Variants in BANP observed in about 807,000 individuals in gnomAD.
The protein encoded by BANP is protein BANP.
Under a neutral mutation model 68.1 loss-of-function variants are expected in BANP, and 11 were observed. The observed-to-expected ratio is 0.16, with a 90% CI of 0.10 to 0.27. BANP has a LOEUF of 0.27. BANP is among the 10% of genes least tolerant of loss of function. The probability of loss-of-function intolerance (pLI) is 1.00; values close to 1 mark genes in which losing one functional copy is unlikely to be tolerated. For synonymous variants in BANP, 329 were observed against 303.2 expected, an observed-to-expected ratio of 1.09 and a Z score of -0.88; for missense variants, 504 against 722.7, an observed-to-expected ratio of 0.70 and a Z score of 3.47.
Position 88,077,186 on chromosome 16 carries a change from T to C in BANP, c.*525T>C, listed in dbSNP as rs1345758554. On this transcript the variant is annotated 3_prime_UTR_variant, in exon 14 of 14. Transcript: ENST00000682872. ...GCCCTTTGCTGTGTGCTCTGTCCAG[T>C]GTCATGAGGCAGGTGTTTGCAAAGC... is the stretch of plus-strand genomic sequence containing the variant. 6.5e-6 allele frequency: 1 copy of C among 153,474 alleles called. No individual in the cohort carries two copies. Among genetic ancestry groups the C allele is most frequent in the Non-Finnish European group, 1.5e-5 (1 of 68,854 alleles). The allele number at this position is 153,474 out of a possible 1,614,324, so 9.5% of individuals were successfully genotyped here. A position where few individuals can be genotyped will look rare whatever the true frequency, so the allele number is the denominator to read the frequency against.
intron 1 of BANP, among the ~76,000 whole-genome samples, chr16:87,972,774 C>T (rs138232409): frequency 1.2e-4 from 18 of 152,292 alleles, no homozygotes; most frequent in Admixed American, 2.6e-4. Context: ...CTCTAGTTTC[C>T]GTGCCCTGCA....
At chr16:87,986,744 A>T (rs79229166) in intron 4 of BANP, among the ~76,000 whole-genome samples, 20 of 152,232 alleles carry the variant, frequency 1.3e-4, no homozygotes, top group Non-Finnish European at 2.8e-4. Flanking sequence ...TCATTCACAG[A>T]CCTGCGGTGG....
intron 11 of BANP, among the ~76,000 whole-genome samples, chr16:88,052,635 TATC>T (rs1009292678): frequency 8.0e-5 from 12 of 150,440 alleles, no homozygotes; most frequent in Admixed American, 1.3e-4. Context: ...TCCTCACCAT[TATC>T]ATAATTGCCA....
chr16:88,021,361 G>T (rs1002944040), intron 7 of BANP, among the ~76,000 whole-genome samples: 6 of 152,150 alleles, frequency 3.9e-5, no homozygotes, highest in Non-Finnish European at 8.8e-5. Context: ...CACAGTGCCC[G>T]GCCCCTTGGA....
chr16:88,067,679 C>T (rs971568919), intron 12 of BANP, among the ~76,000 whole-genome samples: 107 of 152,106 alleles, frequency 7.0e-4, no homozygotes, highest in Non-Finnish European at 2.1e-4. Flanking sequence ...CTGCACCCCA[C>T]GGCGCTCACC....
At chr16:87,950,038 G>A (rs528734519), upstream of BANP, among the ~76,000 whole-genome samples, 5 of 151,648 alleles carry the variant, frequency 3.3e-5, no homozygotes, top group African/African-American at 7.3e-5. Flanking sequence ...CCACCGCGCC[G>A]GGCTAATTTT....
At chr16:87,969,298 C>T (rs922854658) in intron 1 of BANP, among the ~76,000 whole-genome samples, 4 of 152,044 alleles carry the variant, frequency 2.6e-5, no homozygotes, top group Non-Finnish European at 5.9e-5. Flanking sequence ...AATGTCTGTG[C>T]TGGCTGAATG....
chr16:88,022,156 T>C (rs1489362384), intron 7 of BANP, among the ~76,000 whole-genome samples: 1 of 152,262 alleles, frequency 6.6e-6, no homozygotes, highest in Non-Finnish European at 1.5e-5. Flanking sequence ...TCCTAAGGAA[T>C]GTGCTCTCAG....
chr16:88,064,210 G>A lies in BANP; in HGVS notation c.1312-1057G>A, dbSNP rs970578472. Among the ~76,000 whole-genome samples, 1 of 152,024 alleles carries A rather than the reference G, an allele frequency of 6.6e-6. No homozygotes were observed. On this transcript the variant is annotated intron_variant, in intron 11 of 13. Coordinates refer to ENST00000682872, the MANE Select transcript of BANP (RefSeq NM_001386991.1). The surrounding 1 kb of genome is among the most constrained non-coding windows in gnomAD (Gnocchi z 4.5). ...GGCTTGAGAGGCGCAGGGGAGCAGG[G>A]GGGGAGAGTGGACAGCGAGGCGGTG...
At chr16:87,962,084 C>CA (rs146418607) in intron 1 of BANP, among the ~76,000 whole-genome samples, 3,379 of 151,790 alleles carry the variant, frequency 0.022, 127 homozygotes, top group African/African-American at 0.078. Context: ...ACTAAAAATA[C>CA]AAAAAATTAG....
chr16:87,973,371 G>C (rs976236234), intron 1 of BANP, among the ~76,000 whole-genome samples: 2 of 151,878 alleles, frequency 1.3e-5, no homozygotes, highest in African/African-American at 2.4e-5. Flanking sequence ...TCGTATATTT[G>C]ATCACACATT....
In BANP at chr16:88,003,241, T is replaced by C. The variant is rs539937945; in HGVS notation, c.363-1054T>C. 1.0e-3 allele frequency among the ~76,000 whole-genome samples: 158 copies of C among 152,352 alleles called. 1 individual carries two copies. Among genetic ancestry groups the C allele is most frequent in the Admixed American group, 2.3e-3 (35 of 15,302 alleles). On this transcript the variant is annotated intron_variant, in intron 4 of 13. Transcript: ENST00000682872. The surrounding 1 kb of genome is among the most constrained non-coding windows in gnomAD (Gnocchi z 6.1). ...ATATTTTTGAATGAAATGGAGTTGA[T>C]TATGCCTTTATTTTAGGAGAAAACC...
chr16:88,072,610 G>T (rs574570745), intron 13 of BANP, among the ~76,000 whole-genome samples: 4 of 152,268 alleles, frequency 2.6e-5, no homozygotes, highest in African/African-American at 9.6e-5. Context: ...ACCTCGGGCT[G>T]CTGTGGCCCT....
intron 4 of BANP, among the ~76,000 whole-genome samples, chr16:87,986,385 C>T (rs563524647): frequency 3.4e-4 from 52 of 152,226 alleles, no homozygotes; most frequent in African/African-American, 1.2e-3. Flanking sequence ...GGGAGAGGTT[C>T]CTCTGTGAAG....
intron 4 of BANP, among the ~76,000 whole-genome samples, chr16:87,995,322 T>G (rs1459720749): frequency 6.6e-6 from 1 of 152,232 alleles, no homozygotes; most frequent in African/African-American, 2.4e-5. Flanking sequence ...CTCCTCTTTT[T>G]GTAAGTACAT....
intron 11 of BANP, among the ~76,000 whole-genome samples, chr16:88,062,252 A>T (rs1196525479): frequency 6.6e-6 from 1 of 152,154 alleles, no homozygotes. Context: ...GGTTAGATTC[A>T]GGATTTTGTA....
rs1410130312 is a variant in BANP, at chr16:88,077,076, C to T, written c.*415C>T. ...GTGTGCTCTGTCCAGTGTCATGAGA[C>T]GGGAGCCCTTTGCTGTGTGCTCTGT... On this transcript the variant is annotated 3_prime_UTR_variant, in exon 14 of 14. Coordinates refer to ENST00000682872, the MANE Select transcript of BANP (RefSeq NM_001386991.1). The T allele has an allele frequency of 4.9e-6, 1 of 202,124 alleles. No individual in the cohort carries two copies. Among genetic ancestry groups the T allele is most frequent in the East Asian group, 1.4e-4 (1 of 7,074 alleles). 12.5% of individuals were successfully genotyped at this position (202,124 alleles called of 1,614,324 possible). A position where few individuals can be genotyped will look rare whatever the true frequency, so the allele number is the denominator to read the frequency against.
At chr16:87,983,578 G>T (rs2063716294) in intron 3 of BANP, among the ~76,000 whole-genome samples, 1 of 152,088 alleles carries the variant, frequency 6.6e-6, no homozygotes, top group South Asian at 2.1e-4. Context: ...CCCCACGGGA[G>T]CCTCAGGACC....
intron 4 of BANP, among the ~76,000 whole-genome samples, chr16:87,993,139 C>T (rs115816144): frequency 6.6e-5 from 10 of 152,216 alleles, no homozygotes; most frequent in Admixed American, 1.3e-4. Context: ...TCCTTCTCAT[C>T]GCATTCTGTC....
Sources: allele counts gnomAD v4.1 joint callset (sites outside exome capture counted in the v4.1 genomes callset), GRCh38; gene constraint gnomAD v4.1.1; non-coding constraint Gnocchi (gnomAD v3.1); transcripts MANE v1.5; gene names NCBI Gene and HGNC (gene_info 2026-07-23, HGNC 2026-07-21).